Variants in FHIT observed in about 807,000 individuals in gnomAD.
FHIT encodes the protein fragile histidine triad diadenosine triphosphatase.
In FHIT, 19 loss-of-function variants were observed where a neutral mutation model predicts 17.9. The ratio of observed to expected loss-of-function variants is 1.06; its 90% CI spans 0.74 to 1.56. FHIT has a LOEUF of 1.56. FHIT is among the 40% of genes most tolerant of loss of function. The probability of loss-of-function intolerance (pLI) is 0.00; values close to 1 mark genes in which losing one functional copy is unlikely to be tolerated. For missense variants in FHIT, 248 were observed against 189.2 expected (o/e 1.31, Z -1.82); for synonymous variants, 81 against 69.7 (o/e 1.16, Z -0.81).
intron 2 of FHIT, among the ~76,000 whole-genome samples, chr3:61,067,717 T>C (rs2034660836): frequency 6.6e-6 from 1 of 152,156 alleles, no homozygotes; most frequent in African/African-American, 2.4e-5. Flanking sequence ...CAAAGGCACT[T>C]TTCTCAGTTA....
intron 5 of FHIT, among the ~76,000 whole-genome samples, chr3:60,407,599 C>A (rs531342445): frequency 1.3e-5 from 2 of 152,192 alleles, no homozygotes; most frequent in East Asian, 3.9e-4. Flanking sequence ...ACTGCAACCC[C>A]CGCCTCCACA....
chr3:61,170,218 C>G (rs9851485), intron 2 of FHIT, among the ~76,000 whole-genome samples: 70,650 of 151,900 alleles, frequency 0.47, 17,311 homozygotes, highest in East Asian at 0.87. Context: ...TTACAATCCA[C>G]TGAAAAGAGA....
At chr3:60,508,908 C>A (rs955814650) in intron 5 of FHIT, among the ~76,000 whole-genome samples, 3 of 152,140 alleles carry the variant, frequency 2.0e-5, no homozygotes, top group African/African-American at 7.2e-5. Flanking sequence ...TAATTCTACA[C>A]CTGGCTGATG....
rs567455877 is a variant in FHIT at position 60,193,707 on chromosome 3, C to A, written c.104-179555G>T. ...AGTGCTGGCTGTGGAGATGCCACAT[C>A]CTGACCCTGCAAACAGTTTAGTGGG... On this transcript the variant is annotated intron_variant, in intron 5 of 9. Transcript: ENST00000492590. Among the ~76,000 whole-genome samples the A allele has an allele frequency of 2.0e-3, 303 of 152,254 alleles. 1 individual carries two copies. Among genetic ancestry groups the A allele is most frequent in the African/African-American group, 7.0e-3 (289 of 41,570 alleles).
chr3:61,124,847 TC>T (rs2036562947), intron 2 of FHIT, among the ~76,000 whole-genome samples: 1 of 152,186 alleles, frequency 6.6e-6, no homozygotes, highest in African/African-American at 2.4e-5. Flanking sequence ...CTTTCTCTCC[TC>T]TTTTCAGGGC....
At chr3:61,225,693 T>C (rs2039953378) in intron 1 of FHIT, among the ~76,000 whole-genome samples, 1 of 152,248 alleles carries the variant, frequency 6.6e-6, no homozygotes. Context: ...ACGTGGAAGT[T>C]AGAGTACTTT....
chr3:60,011,234 G>A (rs1372475067), intron 7 of FHIT, 137 bp downstream of exon 7: 1 of 731,470 alleles, frequency 1.4e-6, no homozygotes, highest in Admixed American at 2.2e-5. Flanking sequence ...AGGATTTACG[G>A]CTCTAACACT....
At chr3:59,794,358 C>A (rs780718791) in intron 8 of FHIT, among the ~76,000 whole-genome samples, 11 of 152,168 alleles carry the variant, frequency 7.2e-5, no homozygotes, top group African/African-American at 1.2e-4. Flanking sequence ...TTCAGATACT[C>A]GCATGTTATT....
intron 4 of FHIT, among the ~76,000 whole-genome samples, chr3:60,703,080 G>C (rs1179683421): frequency 6.6e-6 from 1 of 152,192 alleles, no homozygotes; most frequent in South Asian, 2.1e-4. Flanking sequence ...TAAGGGATTA[G>C]AGCGGCCCCT....
intron 3 of FHIT, among the ~76,000 whole-genome samples, chr3:60,991,523 T>C (rs905448863): frequency 8.5e-5 from 13 of 152,210 alleles, no homozygotes; most frequent in African/African-American, 3.1e-4. Context: ...CACTCAAAGA[T>C]AGCATTTCCC....
intron 2 of FHIT, among the ~76,000 whole-genome samples, chr3:61,159,295 T>C (rs1248005705): frequency 6.6e-6 from 1 of 152,200 alleles, no homozygotes; most frequent in Non-Finnish European, 1.5e-5. Context: ...AGGTAGAATA[T>C]GTTAGGTGTG....
At position 59,749,067 on chromosome 3, in the gene FHIT, A is replaced by T. The variant is rs1700741447; in HGVS notation, c.*518T>A. Among the ~76,000 whole-genome samples the T allele has an allele frequency of 6.6e-6, 1 of 152,198 alleles. No individual in the cohort carries two copies. The highest frequency in any genetic ancestry group is 6.5e-5 in the Admixed American group (1 of 15,270). ...AAGGCCAAGTCTATCTGACCTTCAG[A>T]TTAACAATTTTTAAAGTCTAGCTAT... On this transcript the variant is annotated 3_prime_UTR_variant, in exon 10 of 10. Coordinates refer to ENST00000492590, the MANE Select transcript of FHIT (RefSeq NM_002012.4).
At chr3:61,019,409 G>T (rs954516412) in intron 3 of FHIT, among the ~76,000 whole-genome samples, 1 of 152,308 alleles carries the variant, frequency 6.6e-6, no homozygotes, top group African/African-American at 2.4e-5. Flanking sequence ...GCATGCAACA[G>T]GTGGGAGTAA....
chr3:60,333,465 A>G (rs1318748405), intron 5 of FHIT, among the ~76,000 whole-genome samples: 1 of 80,030 alleles, frequency 1.2e-5, no homozygotes, highest in Non-Finnish European at 2.4e-5. Flanking sequence ...CCTAAAAGGC[A>G]TATTTGAACT....
At chr3:61,144,147 A>T (rs1047375082) in intron 2 of FHIT, among the ~76,000 whole-genome samples, 3 of 152,204 alleles carry the variant, frequency 2.0e-5, no homozygotes, top group African/African-American at 7.2e-5. Context: ...TCAATTTTAT[A>T]ACATTTCCTC....
At chr3:60,281,137 C>G (rs1707429965) in intron 5 of FHIT, among the ~76,000 whole-genome samples, 1 of 70,282 alleles carries the variant, frequency 1.4e-5, no homozygotes, top group African/African-American at 5.5e-5. Context: ...ATGTAAAAAT[C>G]TAACAATATA....
chr3:60,441,326 T>C (rs188322682), intron 5 of FHIT, among the ~76,000 whole-genome samples: 2 of 152,204 alleles, frequency 1.3e-5, no homozygotes, highest in African/African-American at 4.8e-5. Context: ...TACAAGTTTC[T>C]AAAAATGTCT....
chr3:60,331,279 A>AT (rs201517932), intron 5 of FHIT, among the ~76,000 whole-genome samples: 100 of 151,028 alleles, frequency 6.6e-4, no homozygotes, highest in African/African-American at 2.1e-3. Flanking sequence ...CCCTTTCCTG[A>AT]TTTTTTTTTC....
intron 5 of FHIT, among the ~76,000 whole-genome samples, chr3:60,403,611 A>C (rs1317517872): frequency 6.6e-6 from 1 of 152,188 alleles, no homozygotes; most frequent in African/African-American, 2.4e-5. Context: ...ATTATAGGTC[A>C]TTAGACCCCC....
Sources: gnomAD v4.1 joint callset for allele counts (sites outside exome capture counted in the v4.1 genomes callset) on GRCh38, gnomAD v4.1.1 for gene constraint, MANE v1.5 for transcripts, NCBI Gene and HGNC (gene_info 2026-07-23, HGNC 2026-07-21) for gene names.